Variants in MYO6 observed in about 807,000 individuals in gnomAD.
The protein encoded by MYO6 is unconventional myosin-VI.
In MYO6, 74 loss-of-function variants were observed where a neutral mutation model predicts 178.7. That is an observed-to-expected ratio of 0.41 (90% CI 0.34 to 0.50). The LOEUF is 0.50. MYO6 is among the 20% of genes least tolerant of loss of function. MYO6 has a pLI of 0.09. For synonymous variants in MYO6, 477 were observed against 504.6 expected (o/e 0.95, Z 0.73); for missense variants, 1,330 against 1,547.4 (o/e 0.86, Z 2.36).
intron 4 of MYO6, among the ~76,000 whole-genome samples, chr6:75,829,711 G>C (rs1772872356): frequency 6.6e-6 from 1 of 152,016 alleles, no homozygotes; most frequent in Non-Finnish European, 1.5e-5. Flanking sequence ...AATATATTTA[G>C]AGGCAAAATT....
At chr6:75,906,707 C>T (rs1025313969) in intron 30 of MYO6, among the ~76,000 whole-genome samples, 4 of 151,966 alleles carry the variant, frequency 2.6e-5, no homozygotes, top group Admixed American at 6.6e-5. Flanking sequence ...ACAAACAAAA[C>T]GCAAAACCAA....
intron 1 of MYO6, among the ~76,000 whole-genome samples, chr6:75,787,686 CTCTCTCTCTCTCTCT>C (rs1767726239): frequency 5.8e-5 from 1 of 17,208 alleles, no homozygotes; most frequent in Non-Finnish European, 8.7e-5. Context: ...TTCTCTCTCT[CTCTCTCTCTCTCTCT>C]CTCTCTCTCT....
At chr6:75,911,809 A>G (rs939468914) in intron 33 of MYO6, 111 bp downstream of exon 33, 14 of 995,088 alleles carry the variant, frequency 1.4e-5, no homozygotes, top group Admixed American at 1.1e-4. Flanking sequence ...GTGGAATTGT[A>G]GTGTGTTAAA....
At chr6:75,780,849 C>G (rs1209480838) in intron 1 of MYO6, among the ~76,000 whole-genome samples, 4 of 151,622 alleles carry the variant, frequency 2.6e-5, no homozygotes, top group Non-Finnish European at 5.9e-5. Context: ...GCTCTGTCAC[C>G]CAGGCTAGAG....
chr6:75,785,901 T>C (rs1411459690), intron 1 of MYO6, among the ~76,000 whole-genome samples: 1 of 151,982 alleles, frequency 6.6e-6, no homozygotes. Context: ...AATATTTATA[T>C]ATTTATTTTT....
At chr6:75,803,097 G>T (rs1054509698) in intron 1 of MYO6, among the ~76,000 whole-genome samples, 1 of 152,028 alleles carries the variant, frequency 6.6e-6, no homozygotes, top group Non-Finnish European at 1.5e-5. Flanking sequence ...GGTAATTTAC[G>T]CAGGTGTTTA....
chr6:75,867,139 T>C (rs1403041212), intron 18 of MYO6, 34 bp downstream of exon 18: 1 of 1,478,130 alleles, frequency 6.8e-7, no homozygotes, highest in Non-Finnish European at 9.2e-7. Flanking sequence ...TTTTACTATA[T>C]TTAAAATGAA....
chr6:75,819,285 C>G (rs1771621113), intron 2 of MYO6, among the ~76,000 whole-genome samples: 1 of 152,156 alleles, frequency 6.6e-6, no homozygotes, highest in Non-Finnish European at 1.5e-5. Flanking sequence ...TAATTTTCCT[C>G]CCTACTTTCT....
chr6:75,841,122 G>T (rs1038683374), intron 8 of MYO6, 92 bp from the exon 9 acceptor site: 8 of 1,225,128 alleles, frequency 6.5e-6, no homozygotes, highest in Non-Finnish European at 8.2e-6. Context: ...ATAGACAAAT[G>T]GTATTAGAAA....
At chr6:75,864,635 A>G (rs1396365013) in intron 16 of MYO6, among the ~76,000 whole-genome samples, 3 of 152,196 alleles carry the variant, frequency 2.0e-5, no homozygotes, top group Non-Finnish European at 2.9e-5. Context: ...ACTAATTGCT[A>G]GTCAACAGAA....
At chr6:75,887,072 G>T in intron 25 of MYO6, 78 bp downstream of exon 25, 1 of 1,400,398 alleles carries the variant, frequency 7.1e-7, no homozygotes. Flanking sequence ...AAATTGTATA[G>T]AAAACGTCCT....
intron 30 of MYO6, 47 bp downstream of exon 30, chr6:75,898,458 T>C: frequency 6.8e-6 from 10 of 1,468,610 alleles, no homozygotes; most frequent in Non-Finnish European, 8.6e-6. Context: ...CTCAAAATCA[T>C]ATTTTTAAAT....
intron 1 of MYO6, among the ~76,000 whole-genome samples, chr6:75,770,251 G>A (rs1245862229): frequency 1.3e-5 from 2 of 152,202 alleles, no homozygotes; most frequent in African/African-American, 4.8e-5. Flanking sequence ...GCAGGACTGT[G>A]AAGCAATTGA....
chr6:75,788,583 C>A (rs987904996), intron 1 of MYO6, among the ~76,000 whole-genome samples: 2 of 152,148 alleles, frequency 1.3e-5, no homozygotes, highest in Admixed American at 6.5e-5. Flanking sequence ...ATATCCGATT[C>A]ATGTAATGTA....
intron 30 of MYO6, among the ~76,000 whole-genome samples, chr6:75,904,794 G>A (rs1780141079): frequency 6.6e-6 from 1 of 152,226 alleles, no homozygotes; most frequent in African/African-American, 2.4e-5. Context: ...TTTGGAGGAG[G>A]AGAGGCGCTC....
intron 4 of MYO6, among the ~76,000 whole-genome samples, chr6:75,829,562 A>C (rs1772854777): frequency 6.6e-6 from 1 of 152,120 alleles, no homozygotes; most frequent in African/African-American, 2.4e-5. Context: ...TGGGAGATAG[A>C]ACTTATTTAT....
chr6:75,827,349 A>C (rs936640139), intron 3 of MYO6, among the ~76,000 whole-genome samples: 1 of 152,242 alleles, frequency 6.6e-6, no homozygotes. Flanking sequence ...GGAAGCCGAT[A>C]GATGAATGAT....
intron 1 of MYO6, among the ~76,000 whole-genome samples, chr6:75,762,377 T>C (rs1301265597): frequency 2.0e-5 from 3 of 152,242 alleles, no homozygotes; most frequent in Non-Finnish European, 4.4e-5. Context: ...AGCTGAGGTC[T>C]AAGTAACTTG....
rs573164877 is a variant in MYO6 at position 75,795,463 on chromosome 6, CTGTT to C, written c.-47-22035_-47-22032del. 1.4e-3 allele frequency among the ~76,000 whole-genome samples: 217 copies of C among 152,228 alleles called. 1 individual carries two copies. The highest frequency in any genetic ancestry group is 4.6e-3 in the African/African-American group (189 of 41,532). The stretch of plus-strand genomic sequence containing the variant: ...ATTATTTTTGTTTATGAAAAGTTAA[CTGTT>C]TGAGTAACTTTTTAAGTGCCTTGAC... On this transcript the variant is annotated intron_variant, in intron 1 of 34. Transcript: ENST00000369977.
Sources: allele counts gnomAD v4.1 joint callset (sites outside exome capture counted in the v4.1 genomes callset), GRCh38; gene constraint gnomAD v4.1.1; transcripts MANE v1.5; gene names NCBI Gene and HGNC (gene_info 2026-07-23, HGNC 2026-07-21).